Variants in MSRA observed in about 807,000 individuals in gnomAD.
MSRA encodes the protein mitochondrial peptide methionine sulfoxide reductase.
In MSRA, 54 loss-of-function variants were observed where a neutral mutation model predicts 31.3. That is an observed-to-expected ratio of 1.73 (90% CI 1.39 to 2.17). The LOEUF (loss-of-function observed/expected upper bound fraction) is 2.17, where lower values mean the gene tolerates loss of function less well. Ranked by LOEUF, MSRA falls within the 30% of genes most tolerant of loss-of-function variation. The probability of loss-of-function intolerance (pLI) is 0.00; values close to 1 mark genes in which losing one functional copy is unlikely to be tolerated. For missense variants in MSRA, 507 were observed against 300.9 expected, an observed-to-expected ratio of 1.69 and a Z score of -5.07; for synonymous variants, 169 against 116.5, an observed-to-expected ratio of 1.45 and a Z score of -2.90.
intron 1 of MSRA, among the ~76,000 whole-genome samples, chr8:10,201,195 C>G (rs1298393727): frequency 6.6e-6 from 1 of 152,124 alleles, no homozygotes; most frequent in African/African-American, 2.4e-5. Flanking sequence ...CTCCTCTCTG[C>G]TGCTCAGTGT....
intron 1 of MSRA, among the ~76,000 whole-genome samples, chr8:10,203,535 G>A (rs533930968): frequency 7.9e-5 from 12 of 152,124 alleles, no homozygotes; most frequent in Non-Finnish European, 1.5e-4. Context: ...TGGTGACATC[G>A]TAGCACAACA....
intron 1 of MSRA, among the ~76,000 whole-genome samples, chr8:10,131,584 G>A (rs898030450): frequency 6.6e-6 from 1 of 152,192 alleles, no homozygotes; most frequent in Non-Finnish European, 1.5e-5. Context: ...TTAATGAATG[G>A]TTAGGAATCC....
chr8:10,427,554 G>A (rs990959180), intron 5 of MSRA, among the ~76,000 whole-genome samples: 4 of 152,160 alleles, frequency 2.6e-5, no homozygotes. Flanking sequence ...TCACCAGGAC[G>A]TGCCAGCAGG....
chr8:10,353,740 A>G (rs896301146), intron 5 of MSRA: 6 of 437,648 alleles, frequency 1.4e-5, no homozygotes, highest in Non-Finnish European at 2.3e-5. Flanking sequence ...ACGTCCTGAG[A>G]TACCCAGCAG....
chr8:10,060,868 C>T (rs1203941844), intron 1 of MSRA, among the ~76,000 whole-genome samples: 2 of 152,102 alleles, frequency 1.3e-5, no homozygotes, highest in South Asian at 2.1e-4. Context: ...GGACAAATTC[C>T]TTCCACTATT....
chr8:10,065,298 C>T (rs543726650), intron 1 of MSRA, among the ~76,000 whole-genome samples: 1 of 152,296 alleles, frequency 6.6e-6, no homozygotes, highest in South Asian at 2.1e-4. Context: ...AAGCACCTGA[C>T]ACCAGGAGTA....
intron 2 of MSRA, among the ~76,000 whole-genome samples, chr8:10,222,700 C>G (rs141907247): frequency 6.6e-6 from 1 of 152,146 alleles, no homozygotes; most frequent in Admixed American, 6.6e-5. Context: ...ATTGATTAAC[C>G]TGGAGAACAT....
chr8:10,107,161 T>C (rs1799941465), intron 1 of MSRA, among the ~76,000 whole-genome samples: 1 of 152,130 alleles, frequency 6.6e-6, no homozygotes, highest in Non-Finnish European at 1.5e-5. Context: ...GGAGAAAGGA[T>C]CCTGCTTTTC....
At chr8:10,296,969 G>A (rs1187828688) in intron 3 of MSRA, among the ~76,000 whole-genome samples, 1 of 152,174 alleles carries the variant, frequency 6.6e-6, no homozygotes, top group Non-Finnish European at 1.5e-5. Context: ...TCTTGTCCCA[G>A]CAGCCCAACA....
At chr8:10,327,581 G>C (rs1388490673) in intron 5 of MSRA, among the ~76,000 whole-genome samples, 1 of 152,120 alleles carries the variant, frequency 6.6e-6, no homozygotes, top group Admixed American at 6.5e-5. Context: ...ATTGTGGTTT[G>C]ACTGGTGTGT....
intron 5 of MSRA, among the ~76,000 whole-genome samples, chr8:10,396,269 C>G (rs1422131503): frequency 2.6e-5 from 4 of 152,228 alleles, no homozygotes; most frequent in African/African-American, 9.6e-5. Context: ...TGCACTGTCT[C>G]TTCCTCTCCA....
At chr8:10,406,113 A>C (rs766953856) in intron 5 of MSRA, among the ~76,000 whole-genome samples, 37 of 152,242 alleles carry the variant, frequency 2.4e-4, no homozygotes, top group Non-Finnish European at 3.5e-4. Flanking sequence ...CAGTAAGGGG[A>C]GAAGCGTGAC....
At chr8:10,237,822 G>C (rs1479576332) in intron 2 of MSRA, among the ~76,000 whole-genome samples, 1 of 152,156 alleles carries the variant, frequency 6.6e-6, no homozygotes, top group African/African-American at 2.4e-5. Context: ...CATGACCCAT[G>C]ACTTCCTCCA....
At chr8:10,274,189 A>G (rs1799197678) in intron 3 of MSRA, among the ~76,000 whole-genome samples, 1 of 152,262 alleles carries the variant, frequency 6.6e-6, no homozygotes, top group Non-Finnish European at 1.5e-5. Flanking sequence ...AACTCCTGTT[A>G]CATTCAAACT....
At chr8:10,370,785 G>A (rs1479502531) in intron 5 of MSRA, among the ~76,000 whole-genome samples, 1 of 152,228 alleles carries the variant, frequency 6.6e-6, no homozygotes, top group Non-Finnish European at 1.5e-5. Flanking sequence ...TCACTGAAGA[G>A]GTCCTGTGGG....
chr8:10,100,700 TAA>T (rs1799477459), intron 1 of MSRA, among the ~76,000 whole-genome samples: 1 of 152,178 alleles, frequency 6.6e-6, no homozygotes, highest in Non-Finnish European at 1.5e-5. Flanking sequence ...AAGCTCGACT[TAA>T]AAGTTTGGCC....
At chr8:10,066,527 T>G (rs1185850569) in intron 1 of MSRA, among the ~76,000 whole-genome samples, 1 of 152,166 alleles carries the variant, frequency 6.6e-6, no homozygotes, top group South Asian at 2.1e-4. Flanking sequence ...CCAGTTCAGC[T>G]GATATATCTG....
intron 2 of MSRA, among the ~76,000 whole-genome samples, chr8:10,223,654 A>C (rs1810722151): frequency 1.3e-5 from 2 of 152,178 alleles, no homozygotes; most frequent in African/African-American, 4.8e-5. Context: ...TTGGAGTGTC[A>C]CCAGAAGCCC....
chr8:10,324,582 G>A (rs1384082117), intron 5 of MSRA, among the ~76,000 whole-genome samples: 1 of 152,164 alleles, frequency 6.6e-6, no homozygotes, highest in Non-Finnish European at 1.5e-5. Flanking sequence ...CCCCATCCTG[G>A]TGAGCAATAG....
Sources: gnomAD v4.1 joint callset for allele counts (sites outside exome capture counted in the v4.1 genomes callset) on GRCh38, gnomAD v4.1.1 for gene constraint, MANE v1.5 for transcripts, NCBI Gene and HGNC (gene_info 2026-07-23, HGNC 2026-07-21) for gene names.